Variants in ANK2 observed in about 807,000 individuals in gnomAD.
ANK2 encodes the protein ankyrin 2, also known as ankyrin-2.
ANK2 carries 83 observed loss-of-function variants against 360.5 expected under a neutral mutation model. That is an observed-to-expected ratio of 0.23 (90% CI 0.19 to 0.28). ANK2 has a LOEUF of 0.28. Among genes scored for constraint, ANK2 ranks in the 10% least tolerant of loss-of-function variants. ANK2 has a pLI of 1.00. For synonymous variants in ANK2, 1,740 were observed against 1,759.5 expected, an observed-to-expected ratio of 0.99 and a Z score of 0.28; for missense variants, 4,201 against 4,795.7, an observed-to-expected ratio of 0.88 and a Z score of 3.66.
intron 1 of ANK2, among the ~76,000 whole-genome samples, chr4:113,156,368 A>ATTT (rs1218946870): frequency 3.2e-4 from 25 of 79,152 alleles, no homozygotes; most frequent in African/African-American, 1.3e-3. Flanking sequence ...ATGTAGAAAA[A>ATTT]TTCTTTTTTT....
chr4:112,964,859 G>A (rs559033152), intron 2 of ANK2, among the ~76,000 whole-genome samples: 59 of 152,200 alleles, frequency 3.9e-4, no homozygotes, highest in Non-Finnish European at 7.6e-4. Flanking sequence ...GTGAGCCACC[G>A]CGCCCGGCCA....
chr4:113,247,464 T>C (rs1284028071), intron 9 of ANK2, among the ~76,000 whole-genome samples: 5 of 152,216 alleles, frequency 3.3e-5, no homozygotes, highest in Non-Finnish European at 7.3e-5. Context: ...TGTTCCTTGA[T>C]GTTCTTGTGG....
At chr4:112,935,734 G>A (rs1365485548) in intron 2 of ANK2, among the ~76,000 whole-genome samples, 1 of 152,010 alleles carries the variant, frequency 6.6e-6, no homozygotes, top group East Asian at 1.9e-4. Flanking sequence ...CACAGCTACT[G>A]GGGAGGCTGA....
intron 2 of ANK2, among the ~76,000 whole-genome samples, chr4:113,024,697 C>T (rs946790502): frequency 6.6e-6 from 1 of 152,048 alleles, no homozygotes; most frequent in African/African-American, 2.4e-5. Context: ...TTTAAATACA[C>T]TTCTACTTCC....
intron 13 of ANK2, among the ~76,000 whole-genome samples, chr4:113,261,456 T>C (rs1437341978): frequency 1.3e-5 from 2 of 152,216 alleles, no homozygotes; most frequent in Non-Finnish European, 2.9e-5. Flanking sequence ...TTAAATTTCA[T>C]TAGCTTGAGA....
chr4:113,218,786 A>C (rs544323687), intron 4 of ANK2, among the ~76,000 whole-genome samples: 50 of 152,316 alleles, frequency 3.3e-4, no homozygotes, highest in African/African-American at 1.1e-3. Flanking sequence ...GGTGTAATGC[A>C]TGAGAGAAGT....
the ANK2 span, among the ~76,000 whole-genome samples, chr4:112,782,834 A>G: frequency 6.6e-6 from 1 of 151,698 alleles, no homozygotes; most frequent in Non-Finnish European, 1.5e-5. Flanking sequence ...GCACCACTGC[A>G]CTCCAGCCTG....
chr4:113,085,263 G>C (rs759181432), intron 1 of ANK2, among the ~76,000 whole-genome samples: 3 of 152,130 alleles, frequency 2.0e-5, no homozygotes, highest in Non-Finnish European at 4.4e-5. Context: ...AGTATTTATA[G>C]AGTAGAATTC....
At chr4:112,853,162 T>C (rs2065446320) in intron 1 of ANK2, among the ~76,000 whole-genome samples, 1 of 152,030 alleles carries the variant, frequency 6.6e-6, no homozygotes. Flanking sequence ...TCCAACTCCC[T>C]GGTTCAAGGG....
chr4:112,710,931 A>G, the ANK2 span, among the ~76,000 whole-genome samples: 1 of 131,296 alleles, frequency 7.6e-6, no homozygotes, highest in African/African-American at 3.1e-5. Flanking sequence ...ATATGTATAT[A>G]TGATTACATT....
intron 1 of ANK2, among the ~76,000 whole-genome samples, chr4:113,124,896 G>A (rs934611382): frequency 6.6e-6 from 1 of 152,106 alleles, no homozygotes; most frequent in Non-Finnish European, 1.5e-5. Flanking sequence ...TTGGGAGGCT[G>A]AGACGTGAGG....
intron 2 of ANK2, among the ~76,000 whole-genome samples, chr4:112,958,642 G>C (rs185674291): frequency 2.6e-5 from 4 of 152,014 alleles, no homozygotes; most frequent in African/African-American, 9.7e-5. Flanking sequence ...GAGAGGGAGA[G>C]GGAGAGGGCT....
At chr4:113,087,843 T>C (rs1269244904) in intron 1 of ANK2, among the ~76,000 whole-genome samples, 1 of 152,192 alleles carries the variant, frequency 6.6e-6, no homozygotes, top group African/African-American at 2.4e-5. Flanking sequence ...TAATGTATTT[T>C]GAATGGCTGT....
At chr4:113,125,182 C>G (rs2095591061) in intron 1 of ANK2, among the ~76,000 whole-genome samples, 1 of 151,970 alleles carries the variant, frequency 6.6e-6, no homozygotes, top group African/African-American at 2.4e-5. Context: ...AATGACCTCT[C>G]TTTGTGTATT....
In ANK2 at chr4:113,218,947, T is replaced by C. The variant is rs2099117989; in HGVS notation, c.385-13214T>C. ...ATAATTACTTCAGGTTAATGGATTT[T>C]GCTCTGTTGGGGGAAAATAAAAGCA... On this transcript the variant is annotated intron_variant, in intron 4 of 45. Coordinates refer to ENST00000357077, the MANE Select transcript of ANK2 (RefSeq NM_001148.6). 1.3e-5 allele frequency among the ~76,000 whole-genome samples: 2 copies of C among 152,188 alleles called. 1 individual carries two copies. The highest frequency in any genetic ancestry group is 4.8e-5 in the African/African-American group (2 of 41,460).
chr4:112,739,808 C>A, the ANK2 span, among the ~76,000 whole-genome samples: 1 of 151,986 alleles, frequency 6.6e-6, no homozygotes, highest in Non-Finnish European at 1.5e-5. Context: ...TATTTAAAGA[C>A]CAAGACCAGG....
At chr4:113,193,933 A>G (rs1313758160) in intron 2 of ANK2, among the ~76,000 whole-genome samples, 2 of 152,218 alleles carry the variant, frequency 1.3e-5, no homozygotes, top group East Asian at 3.9e-4. Flanking sequence ...CAAAAGACAG[A>G]CTGTGAAACT....
chr4:112,783,886 T>C, the ANK2 span, among the ~76,000 whole-genome samples: 3 of 152,014 alleles, frequency 2.0e-5, no homozygotes, highest in African/African-American at 7.2e-5. Flanking sequence ...CCTGACCTCG[T>C]GATCCGACCA....
chr4:112,888,950 G>T (rs970147264), intron 1 of ANK2, among the ~76,000 whole-genome samples: 2 of 152,094 alleles, frequency 1.3e-5, no homozygotes, highest in African/African-American at 2.4e-5. Context: ...TTTCTGCAAG[G>T]CTTGTTAATA....
Sources: allele counts gnomAD v4.1 joint callset (sites outside exome capture counted in the v4.1 genomes callset), GRCh38; gene constraint gnomAD v4.1.1; transcripts MANE v1.5; gene names NCBI Gene and HGNC (gene_info 2026-07-23, HGNC 2026-07-21).